Variants in ARL8B observed in about 807,000 individuals in gnomAD.
The protein encoded by ARL8B is ARF like GTPase 8B.
Under a neutral mutation model 30.6 loss-of-function variants are expected in ARL8B, and 9 were observed. That is an observed-to-expected ratio of 0.29 (90% CI 0.18 to 0.51). The LOEUF is 0.51. Ranked by LOEUF, ARL8B falls within the 20% of genes least tolerant of loss-of-function variation. ARL8B has a pLI of 0.97. For missense variants in ARL8B, 130 were observed against 227.2 expected (o/e 0.57, Z 2.75); for synonymous variants, 74 against 76.0 (o/e 0.97, Z 0.14).
At chr3:5,133,195 GA>G (rs964748302) in intron 1 of ARL8B, among the ~76,000 whole-genome samples, 2 of 146,022 alleles carry the variant, frequency 1.4e-5, no homozygotes, top group African/African-American at 5.3e-5. Context: ...CTTAGTGAAG[GA>G]AAAAGAAACA....
At chr3:5,156,890 G>T (rs1457042068) in intron 1 of ARL8B, 1 of 151,468 alleles carries the variant, frequency 6.6e-6, no homozygotes, top group Non-Finnish European at 1.5e-5. Context: ...ACATGAGCCA[G>T]TCACTGTGCC....
intron 1 of ARL8B, among the ~76,000 whole-genome samples, chr3:5,130,538 T>TGG (rs2054273597): frequency 3.3e-5 from 5 of 152,026 alleles, no homozygotes; most frequent in Admixed American, 6.6e-5. Context: ...GTGTGTGTTT[T>TGG]TTTTTTTGGC....
intron 1 of ARL8B, chr3:5,128,432 C>G (rs575364893): frequency 2.2e-6 from 1 of 453,404 alleles, no homozygotes; most frequent in Non-Finnish European, 4.4e-6. Context: ...CCTTCATCCC[C>G]GCTCCAATTA....
At chr3:5,123,135 G>C (rs1451434720) in intron 1 of ARL8B, among the ~76,000 whole-genome samples, 1 of 152,166 alleles carries the variant, frequency 6.6e-6, no homozygotes, top group Admixed American at 6.5e-5. Flanking sequence ...TCAGTTACTT[G>C]TTTTCACCCG....
At chr3:5,171,102 G>T (rs1167536699) in intron 2 of ARL8B, among the ~76,000 whole-genome samples, 1 of 152,014 alleles carries the variant, frequency 6.6e-6, no homozygotes, top group Non-Finnish European at 1.5e-5. Flanking sequence ...TGTCCATTTT[G>T]CCCAATTATT....
At chr3:5,167,667 A>C (rs2054635619) in intron 1 of ARL8B, among the ~76,000 whole-genome samples, 1 of 152,236 alleles carries the variant, frequency 6.6e-6, no homozygotes, top group Admixed American at 6.5e-5. Context: ...AATGAAGATA[A>C]TGCTACTCAT....
intron 6 of ARL8B, among the ~76,000 whole-genome samples, chr3:5,177,876 G>GTGCT (rs2054743857): frequency 6.6e-6 from 1 of 152,228 alleles, no homozygotes; most frequent in South Asian, 2.1e-4. Context: ...AGGTGCAGAG[G>GTGCT]TGCTTCTTCA....
At chr3:5,147,665 CCT>C (rs2054440566) in intron 1 of ARL8B, among the ~76,000 whole-genome samples, 1 of 152,072 alleles carries the variant, frequency 6.6e-6, no homozygotes. Flanking sequence ...TGCTTCTCTT[CCT>C]CTGTCCTTAC....
chr3:5,122,695 G>A, intron 1 of ARL8B, 107 bp downstream of exon 1: 3 of 1,291,232 alleles, frequency 2.3e-6, no homozygotes, highest in Admixed American at 2.8e-5. Context: ...GGGACTGATG[G>A]CGGGGGGCGT....
intron 1 of ARL8B, among the ~76,000 whole-genome samples, chr3:5,159,004 ACCC>A (rs2054555753): frequency 6.6e-6 from 1 of 152,064 alleles, no homozygotes; most frequent in Non-Finnish European, 1.5e-5. Flanking sequence ...CATGCCTGTA[ACCC>A]CAGCACTTTG....
Position 5,180,334 on chromosome 3 carries a change from A to C in ARL8B, c.*1621A>C, listed in dbSNP as rs535871242. On this transcript the variant is annotated 3_prime_UTR_variant, in exon 7 of 7. Transcript: ENST00000256496. ...CTTCTTATTCTTTGAAGCATGTTGC[A>C]TACTACCCTGGTGGGATGGATGGTT... is the stretch of plus-strand genomic sequence containing the variant. 1 of 152,372 alleles carries C rather than the reference A, an allele frequency of 6.6e-6. No homozygotes were observed. The highest frequency in any genetic ancestry group is 1.5e-5 in the Non-Finnish European group (1 of 68,042). The allele number at this position is 152,372 out of a possible 1,614,324, so 9.4% of individuals were successfully genotyped here.
rs780463626 is a variant in ARL8B at position 5,178,735 on chromosome 3, G to A, written c.*22G>A. 6.2e-7 allele frequency: 1 copy of A among 1,611,324 alleles called. No homozygotes were observed. Among genetic ancestry groups the A allele is most frequent in the Non-Finnish European group, 8.5e-7 (1 of 1,179,402 alleles). ...CTGAAGCATCTCCTGAAGTCTTCCA[G>A]TCCTTCTTGGCTATAATCCTAGAAT... On this transcript the variant is annotated 3_prime_UTR_variant, in exon 7 of 7. Coordinates refer to ENST00000256496, the MANE Select transcript of ARL8B (RefSeq NM_018184.3).
intron 4 of ARL8B, among the ~76,000 whole-genome samples, chr3:5,173,728 A>G (rs887210427): frequency 5.3e-5 from 8 of 151,980 alleles, no homozygotes; most frequent in African/African-American, 9.7e-5. Context: ...CAAACAAACA[A>G]ACAAACAAAC....
chr3:5,155,150 C>A lies in ARL8B; in HGVS notation c.124-15353C>A, dbSNP rs531874587. 8.5e-5 allele frequency among the ~76,000 whole-genome samples: 13 copies of A among 152,208 alleles called. No individual in the cohort carries two copies. In the East Asian group the frequency reaches 2.5e-3, roughly 29 times the overall value. ...ATCTGGGAATGTTTTAATTTTTCTC[C>A]AACTTCTGAAGGACGTTTTAGCTGA... On this transcript the variant is annotated intron_variant, in intron 1 of 6. Coordinates refer to ENST00000256496, the MANE Select transcript of ARL8B (RefSeq NM_018184.3).
chr3:5,158,326 A>G (rs2054549562), intron 1 of ARL8B, among the ~76,000 whole-genome samples: 1 of 152,156 alleles, frequency 6.6e-6, no homozygotes, highest in South Asian at 2.1e-4. Flanking sequence ...ATTCAGTGGA[A>G]GGAACAGGTA....
At chr3:5,158,483 G>A (rs373434854) in intron 1 of ARL8B, among the ~76,000 whole-genome samples, 1 of 152,182 alleles carries the variant, frequency 6.6e-6, no homozygotes, top group African/African-American at 2.4e-5. Flanking sequence ...GCTCTGTGAG[G>A]TAGAGACTGT....
Position 5,163,278 on chromosome 3 carries a change from C to T in ARL8B, c.124-7225C>T, listed in dbSNP as rs150070923. On this transcript the variant is annotated intron_variant, in intron 1 of 6. Coordinates refer to ENST00000256496, the MANE Select transcript of ARL8B (RefSeq NM_018184.3). ...CTGTGATTACAGGTGTGAGCCACCA[C>T]GCCTGACCAGCTCCCACTTATAAGT... 1.2e-4 allele frequency among the ~76,000 whole-genome samples: 19 copies of T among 152,194 alleles called. No homozygotes were observed. The South Asian group carries it at 1.7e-3, about 13-fold the overall frequency.
At chr3:5,122,673 C>T (rs2054192255) in intron 1 of ARL8B, 85 bp downstream of exon 1, 3 of 1,456,470 alleles carry the variant, frequency 2.1e-6, no homozygotes, top group East Asian at 2.4e-5. Flanking sequence ...TTGGGGCCCC[C>T]CTCGGCGCGA....
At chr3:5,123,022 A>C (rs1415434703) in intron 1 of ARL8B, among the ~76,000 whole-genome samples, 1 of 152,162 alleles carries the variant, frequency 6.6e-6, no homozygotes, top group African/African-American at 2.4e-5. Context: ...AAGCATTAAG[A>C]GCCTCTCTTA....
Sources: allele counts gnomAD v4.1 joint callset (sites outside exome capture counted in the v4.1 genomes callset), GRCh38; gene constraint gnomAD v4.1.1; transcripts MANE v1.5; gene names NCBI Gene and HGNC (gene_info 2026-07-23, HGNC 2026-07-21).